Variants in FNBP1 observed in about 807,000 individuals in gnomAD.
FNBP1 encodes the protein formin binding protein 1, also known as formin-binding protein 1.
Under a neutral mutation model 90.6 loss-of-function variants are expected in FNBP1, and 26 were observed. The observed-to-expected ratio is 0.29, with a 90% CI of 0.21 to 0.40. FNBP1 has a LOEUF of 0.40. Among genes scored for constraint, FNBP1 ranks in the 10% least tolerant of loss-of-function variants. The pLI is 1.00. For synonymous variants in FNBP1, 260 were observed against 265.2 expected (o/e 0.98, Z 0.19); for missense variants, 635 against 768.0 (o/e 0.83, Z 2.05).
At chr9:129,954,842 C>T (rs1394032591) in intron 6 of FNBP1, among the ~76,000 whole-genome samples, 1 of 151,876 alleles carries the variant, frequency 6.6e-6, no homozygotes, top group Non-Finnish European at 1.5e-5. Context: ...ACCAAAAATA[C>T]AAAAAATTAG....
intron 2 of FNBP1, among the ~76,000 whole-genome samples, chr9:129,986,821 AAATAAG>A (rs1394842257): frequency 1.3e-5 from 2 of 151,968 alleles, no homozygotes; most frequent in Non-Finnish European, 2.9e-5. Context: ...AAAAAAATAA[AAATAAG>A]AATAAGATGA....
At chr9:129,977,316 A>G (rs562049417) in intron 4 of FNBP1, among the ~76,000 whole-genome samples, 1 of 152,294 alleles carries the variant, frequency 6.6e-6, no homozygotes, top group East Asian at 1.9e-4. Context: ...GACTTTGAGC[A>G]TCCATTTTTC....
At chr9:130,028,063 C>A (rs1267150126) in intron 1 of FNBP1, among the ~76,000 whole-genome samples, 1 of 152,178 alleles carries the variant, frequency 6.6e-6, no homozygotes, top group Non-Finnish European at 1.5e-5. Context: ...GGCCACCATG[C>A]CTGGGGGCAT....
At chr9:129,976,674 G>C (rs72757275) in intron 4 of FNBP1, among the ~76,000 whole-genome samples, 5,389 of 152,170 alleles carry the variant, frequency 0.035, 212 homozygotes, top group African/African-American at 0.09. Flanking sequence ...AAGTCCCTTG[G>C]GAAGCTTCTT....
chr9:130,037,894 T>G (rs751915425), intron 1 of FNBP1, among the ~76,000 whole-genome samples: 20 of 152,178 alleles, frequency 1.3e-4, no homozygotes, highest in Non-Finnish European at 2.2e-4. Context: ...CCAATAAATA[T>G]TTATTGAACT....
chr9:129,994,077 G>A (rs1438611541), intron 2 of FNBP1, among the ~76,000 whole-genome samples: 1 of 152,128 alleles, frequency 6.6e-6, no homozygotes. Flanking sequence ...TGCCTACGTA[G>A]ATCCTAGGAA....
Position 130,019,997 on chromosome 9 carries a change from T to G in FNBP1, c.24+22955A>C, listed in dbSNP as rs188453628. ...CTTTTAAAGCTGTTCTAGCTGCTGA[T>G]TTGCCTTTTAGGCAACAGAATGATG... On this transcript the variant is annotated intron_variant, in intron 1 of 16. Coordinates refer to ENST00000446176, the MANE Select transcript of FNBP1 (RefSeq NM_015033.3). 3.9e-3 allele frequency among the ~76,000 whole-genome samples: 594 copies of G among 152,332 alleles called. 5 individuals carry two copies. Among genetic ancestry groups the G allele is most frequent in the South Asian group, 0.016 (75 of 4,834 alleles).
intron 6 of FNBP1, among the ~76,000 whole-genome samples, chr9:129,940,877 G>A (rs1331013477): frequency 1.3e-5 from 2 of 151,582 alleles, no homozygotes; most frequent in Non-Finnish European, 2.9e-5. Context: ...TGCCCACCTC[G>A]GCCTCCCAAA....
intron 1 of FNBP1, among the ~76,000 whole-genome samples, chr9:130,017,828 A>C (rs2057393783): frequency 6.6e-6 from 1 of 151,350 alleles, no homozygotes; most frequent in Admixed American, 6.6e-5. Flanking sequence ...AGACTCCATC[A>C]AAAAAATAAA....
intron 4 of FNBP1, among the ~76,000 whole-genome samples, chr9:129,970,574 T>G (rs116999229): frequency 0.048 from 7,387 of 152,318 alleles, 210 homozygotes; most frequent in South Asian, 0.14. Context: ...TGAGGATTTT[T>G]GATTTATAAG....
At chr9:129,959,792 C>T (rs969305760) in intron 4 of FNBP1, among the ~76,000 whole-genome samples, 1 of 151,922 alleles carries the variant, frequency 6.6e-6, no homozygotes, top group African/African-American at 2.4e-5. Flanking sequence ...TTTTTATCAC[C>T]CCTAAAAGAA....
chr9:129,944,404 C>A (rs529793446), intron 6 of FNBP1, among the ~76,000 whole-genome samples: 1 of 150,890 alleles, frequency 6.6e-6, no homozygotes, highest in African/African-American at 2.4e-5. Flanking sequence ...AGCTGGGCGT[C>A]GTGGTGGGCG....
At chr9:129,982,874 G>A (rs755052727) in intron 2 of FNBP1, among the ~76,000 whole-genome samples, 1 of 152,046 alleles carries the variant, frequency 6.6e-6, no homozygotes. Flanking sequence ...ATGTTGCTGA[G>A]GCTGGTCACA....
intron 6 of FNBP1, among the ~76,000 whole-genome samples, chr9:129,937,109 G>A (rs1159443475): frequency 1.3e-5 from 2 of 151,886 alleles, no homozygotes; most frequent in African/African-American, 4.8e-5. Context: ...GACAGAGGCT[G>A]CAGTGAGCCA....
chr9:129,974,887 G>GA (rs1471470200), intron 4 of FNBP1, among the ~76,000 whole-genome samples: 1 of 150,974 alleles, frequency 6.6e-6, no homozygotes, highest in Non-Finnish European at 1.5e-5. Flanking sequence ...AAGAAAAAAG[G>GA]AAAAAGAAAA....
At chr9:129,981,246 C>G (rs1329329519) in intron 2 of FNBP1, among the ~76,000 whole-genome samples, 1 of 151,984 alleles carries the variant, frequency 6.6e-6, no homozygotes, top group African/African-American at 2.4e-5. Context: ...CACCACCACG[C>G]CCAGATAATT....
intron 10 of FNBP1, 63 bp from the exon 11 acceptor site, chr9:129,916,043 A>C: frequency 8.2e-7 from 1 of 1,214,644 alleles, no homozygotes; most frequent in Non-Finnish European, 1.2e-6. Context: ...AAAGAGAAAA[A>C]AAAACAACAA....
chr9:130,018,046 T>C (rs1210300393), intron 1 of FNBP1, among the ~76,000 whole-genome samples: 1 of 150,234 alleles, frequency 6.7e-6, no homozygotes, highest in Non-Finnish European at 1.5e-5. Flanking sequence ...CCCAAGTAGC[T>C]GGGACTACAG....
intron 1 of FNBP1, among the ~76,000 whole-genome samples, chr9:129,995,740 G>C (rs1355063507): frequency 6.6e-6 from 1 of 152,174 alleles, no homozygotes; most frequent in Non-Finnish European, 1.5e-5. Context: ...AGATATCCAG[G>C]AATCAAGTGA....
Sources: gnomAD v4.1 joint callset for allele counts (sites outside exome capture counted in the v4.1 genomes callset) on GRCh38, gnomAD v4.1.1 for gene constraint, MANE v1.5 for transcripts, NCBI Gene and HGNC (gene_info 2026-07-23, HGNC 2026-07-21) for gene names.